Variants in SLC24A3 observed in about 807,000 individuals in gnomAD.
SLC24A3 encodes the protein sodium/potassium/calcium exchanger 3.
SLC24A3 carries 28 observed loss-of-function variants against 75.8 expected under a neutral mutation model. The ratio of observed to expected loss-of-function variants is 0.37; its 90% CI spans 0.27 to 0.51. The LOEUF (loss-of-function observed/expected upper bound fraction) is 0.51. Among genes scored for constraint, SLC24A3 ranks in the 20% least tolerant of loss-of-function variants. The probability of loss-of-function intolerance (pLI) is 0.94; values close to 1 mark genes in which losing one functional copy is unlikely to be tolerated. For synonymous variants in SLC24A3, 372 were observed against 334.1 expected, an observed-to-expected ratio of 1.11 and a Z score of -1.24; for missense variants, 663 against 847.8, an observed-to-expected ratio of 0.78 and a Z score of 2.71.
chr20:19,632,941 A>G (rs937730886), intron 6 of SLC24A3, among the ~76,000 whole-genome samples: 7 of 152,242 alleles, frequency 4.6e-5, no homozygotes, highest in Admixed American at 3.3e-4. Context: ...AAGCTCCTAC[A>G]AGATACGGAC....
chr20:19,279,516 T>C (rs550989810), intron 1 of SLC24A3, among the ~76,000 whole-genome samples: 2 of 152,310 alleles, frequency 1.3e-5, no homozygotes, highest in East Asian at 3.9e-4. Context: ...CTTCCTGAAA[T>C]TCTCTTTCTG....
At chr20:19,214,976 C>T (rs1158478282) in intron 1 of SLC24A3, among the ~76,000 whole-genome samples, 2 of 152,142 alleles carry the variant, frequency 1.3e-5, no homozygotes, top group East Asian at 3.8e-4. Flanking sequence ...TGCCAGCCAG[C>T]CTCCCTGTGT....
rs1014547622 is a variant in SLC24A3 at position 19,540,240 on chromosome 20, G to T, written c.348+24676G>T. On this transcript the variant is annotated intron_variant, in intron 3 of 16. Transcript: ENST00000328041. ...CATCCCAAGCCATGCAGTAAAACAC[G>T]TTCAGTGCAGAGCTGCAACTGGGAC... is the stretch of plus-strand genomic sequence containing the variant. Among the ~76,000 whole-genome samples the T allele has an allele frequency of 2.6e-5, 4 of 152,236 alleles. 1 individual carries two copies. Among genetic ancestry groups the T allele is most frequent in the Admixed American group, 2.6e-4 (4 of 15,286 alleles).
At chr20:19,465,131 C>A (rs1987742268) in intron 2 of SLC24A3, among the ~76,000 whole-genome samples, 1 of 152,194 alleles carries the variant, frequency 6.6e-6, no homozygotes, top group African/African-American at 2.4e-5. Context: ...ACTGGACAGA[C>A]CACAGGCAGA....
At chr20:19,480,031 G>C (rs1402944136) in intron 2 of SLC24A3, among the ~76,000 whole-genome samples, 1 of 152,190 alleles carries the variant, frequency 6.6e-6, no homozygotes, top group Non-Finnish European at 1.5e-5. Context: ...TTCATATAGT[G>C]GTTGCAAAAT....
chr20:19,360,776 T>C (rs1320670712), intron 2 of SLC24A3, among the ~76,000 whole-genome samples: 1 of 152,236 alleles, frequency 6.6e-6, no homozygotes, highest in East Asian at 1.9e-4. Context: ...AGCCATTATC[T>C]TTCTTCTCAA....
chr20:19,269,791 G>T (rs1983270530), intron 1 of SLC24A3, among the ~76,000 whole-genome samples: 1 of 152,102 alleles, frequency 6.6e-6, no homozygotes, highest in Admixed American at 6.5e-5. Context: ...AGGTGAGGTG[G>T]GCACACAATT....
At chr20:19,410,138 T>C (rs978467067) in intron 2 of SLC24A3, among the ~76,000 whole-genome samples, 2 of 152,150 alleles carry the variant, frequency 1.3e-5, no homozygotes, top group Non-Finnish European at 2.9e-5. Context: ...AGAAAAACGT[T>C]GGAAGGAACC....
chr20:19,463,108 G>A (rs1420599062), intron 2 of SLC24A3, among the ~76,000 whole-genome samples: 1 of 152,092 alleles, frequency 6.6e-6, no homozygotes, highest in Admixed American at 6.5e-5. Flanking sequence ...CTCTTTTCCT[G>A]TAAATAAAGA....
At chr20:19,690,030 CAAAA>C (rs538406361) in intron 12 of SLC24A3, among the ~76,000 whole-genome samples, 17,031 of 87,720 alleles carry the variant, frequency 0.19, 1,101 homozygotes, top group Non-Finnish European at 0.22. Flanking sequence ...GACTCTGTCT[CAAAA>C]AAAAAAAAAA....
In SLC24A3 at chr20:19,585,479, A is replaced by G. The variant is rs766196428; in HGVS notation, c.547A>G (p.Ile183Val). The change falls in exon 6 of 17, where the codon ATC becomes GTC. Residue 183 changes from isoleucine (I) to valine (V), a missense_variant. Ile to Val is a conservative substitution (Grantham distance 29). Transcript: ENST00000328041. Reference sequence around the variant, plus strand: ...CAAAGGCGATGTGGGAGTTGGCACCATCGTGGGCTCAGCGGTATTCAACAT... The same window carrying G: ...CAAAGGCGATGTGGGAGTTGGCACCGTCGTGGGCTCAGCGGTATTCAACAT... ...ITKGDVGVGT[I>V]VGSAVFNILC... 7.5e-5 allele frequency: 121 copies of G among 1,614,056 alleles called. No individual in the cohort carries two copies. The highest frequency in any genetic ancestry group is 1.0e-4 in the Admixed American group (6 of 60,000).
chr20:19,363,789 A>T lies in SLC24A3; in HGVS notation c.271+82702A>T, dbSNP rs542479418. Reference sequence around the variant, plus strand: ...AAAAGCAAAGGATTTTTTTCTTTGTATGTTACACGTATGCCAGGAAAAATA... The same window carrying T: ...AAAAGCAAAGGATTTTTTTCTTTGTTTGTTACACGTATGCCAGGAAAAATA... On this transcript the variant is annotated intron_variant, in intron 2 of 16. Transcript: ENST00000328041. Among the ~76,000 whole-genome samples, 8 of 152,314 alleles carry T rather than the reference A, an allele frequency of 5.3e-5. No individual in the cohort carries two copies. In the East Asian group the frequency reaches 1.5e-3, roughly 29 times the overall value.
At chr20:19,379,300 C>T (rs1009789471) in intron 2 of SLC24A3, among the ~76,000 whole-genome samples, 5 of 152,088 alleles carry the variant, frequency 3.3e-5, no homozygotes, top group Non-Finnish European at 7.4e-5. Flanking sequence ...GTGTTTCTGC[C>T]TTCAGGGATC....
rs2145171 is a variant in SLC24A3, at chr20:19,703,550, A to T, written c.1719+4870A>T. Among the ~76,000 whole-genome samples the T allele has an allele frequency of 2.0e-3, 309 of 152,346 alleles. 1 individual carries two copies. Among genetic ancestry groups the T allele is most frequent in the African/African-American group, 6.9e-3 (288 of 41,588 alleles). Reference sequence around the variant, plus strand: ...TTGCCATGTGTCAGCCCAGTTAAATAATTTATATTAATGGTGGTGATCCTG... The same window carrying T: ...TTGCCATGTGTCAGCCCAGTTAAATTATTTATATTAATGGTGGTGATCCTG... On this transcript the variant is annotated intron_variant, in intron 15 of 16. Coordinates refer to ENST00000328041, the MANE Select transcript of SLC24A3 (RefSeq NM_020689.4).
At chr20:19,585,259 C>A (rs1019467161) in intron 5 of SLC24A3, among the ~76,000 whole-genome samples, 182 bp from the exon 6 acceptor site, 34 of 152,186 alleles carry the variant, frequency 2.2e-4, no homozygotes, top group African/African-American at 7.7e-4. Flanking sequence ...TTGTCCCAGA[C>A]CCCAAGCCCA....
rs569460986 is a variant in SLC24A3, at chr20:19,574,721, T to C, written c.349-5279T>C. The stretch of plus-strand genomic sequence containing the variant: ...TCTAAGCTCCTTTGCTCATTGCTTT[T>C]CATTTACTTCTCACAACAGCCTTGT... On this transcript the variant is annotated intron_variant, in intron 3 of 16. Transcript: ENST00000328041. Among the ~76,000 whole-genome samples the C allele has an allele frequency of 1.5e-4, 23 of 152,372 alleles. No individual in the cohort carries two copies. In the East Asian group the frequency reaches 3.7e-3, roughly 24 times the overall value.
intron 2 of SLC24A3, among the ~76,000 whole-genome samples, chr20:19,367,000 AAAG>A: frequency 6.6e-6 from 1 of 152,220 alleles, no homozygotes; most frequent in African/African-American, 2.4e-5. Flanking sequence ...CTGATATCCA[AAAG>A]AACCTATTGT....
chr20:19,577,357 C>G (rs533566507), intron 3 of SLC24A3, among the ~76,000 whole-genome samples: 2 of 152,108 alleles, frequency 1.3e-5, no homozygotes, highest in African/African-American at 2.4e-5. Context: ...GCCCGTTAAT[C>G]GACATTTTTA....
chr20:19,693,179 G>T, intron 12 of SLC24A3, 80 bp from the exon 13 acceptor site: 1 of 1,436,452 alleles, frequency 7.0e-7, no homozygotes, highest in Non-Finnish European at 9.3e-7. Context: ...ACAGACACTT[G>T]GCAGAGCAAA....
Sources: gnomAD v4.1 joint callset for allele counts (sites outside exome capture counted in the v4.1 genomes callset) on GRCh38, gnomAD v4.1.1 for gene constraint, MANE v1.5 for transcripts, NCBI Gene and HGNC (gene_info 2026-07-23, HGNC 2026-07-21) for gene names.